The following TMEM126B variants were observed in gnomAD, a reference collection of about 807,000 sequenced individuals.
TMEM126B encodes the protein transmembrane protein 126B, also known as complex I assembly factor TMEM126B, mitochondrial.
Under a neutral mutation model 16.5 loss-of-function variants are expected in TMEM126B, and 19 were observed. The observed-to-expected ratio is 1.15, with a 90% CI of 0.80 to 1.69. The LOEUF is 1.69. Among genes scored for constraint, TMEM126B ranks in the 40% most tolerant of loss-of-function variants. The probability of loss-of-function intolerance (pLI) is 0.00; values close to 1 mark genes in which losing one functional copy is unlikely to be tolerated. For synonymous variants in TMEM126B, 104 were observed against 93.2 expected, an observed-to-expected ratio of 1.12 and a Z score of -0.67; for missense variants, 293 against 278.7, an observed-to-expected ratio of 1.05 and a Z score of -0.37.
At chr11:85,636,020 G>C in intron 4 of TMEM126B, 26 bp from the exon 5 acceptor site, 3 of 1,536,748 alleles carry the variant, frequency 2.0e-6, no homozygotes, top group Non-Finnish European at 2.6e-6. Flanking sequence ...ATCCAGGAGA[G>C]GTGATTAACT....
At chr11:85,628,810 C>A in intron 1 of TMEM126B, 122 bp downstream of exon 1, 5 of 973,380 alleles carry the variant, frequency 5.1e-6, no homozygotes, top group Non-Finnish European at 7.8e-6. Context: ...CAAGTCCATG[C>A]AAGGAGCAGT....
At chr11:85,633,005 ATG>A (rs2082331953) in intron 2 of TMEM126B, among the ~76,000 whole-genome samples, 1 of 151,456 alleles carries the variant, frequency 6.6e-6, no homozygotes, top group Admixed American at 6.6e-5. Flanking sequence ...TCCTGTGTCC[ATG>A]TGTTCTCATT....
intron 1 of TMEM126B, chr11:85,629,288 T>C (rs1565788205): frequency 1.6e-6 from 2 of 1,241,008 alleles, no homozygotes; most frequent in Non-Finnish European, 2.1e-6. Context: ...AGGTGAAAAA[T>C]TTATTATTAG....
intron 1 of TMEM126B, chr11:85,629,396 A>AAGC (rs2082204873): frequency 2.0e-6 from 1 of 500,110 alleles, no homozygotes; most frequent in Non-Finnish European, 3.4e-6. Flanking sequence ...CGTGGTGACT[A>AAGC]GTTGAGTGGC....
chr11:85,629,361 A>G, intron 1 of TMEM126B: 2 of 707,054 alleles, frequency 2.8e-6, no homozygotes, highest in South Asian at 3.0e-5. Context: ...ATAAACCTAC[A>G]TAAATGCACT....
chr11:85,636,370 AG>A lies in TMEM126B; in HGVS notation c.*142del, dbSNP rs1451824499. ...CCTGGTATATAGCAAATACTCAAAA[AG>A]TATTCAATAATTCAATCAATAAATA... On this transcript the variant is annotated 3_prime_UTR_variant, in exon 5 of 5. Coordinates refer to ENST00000358867, the MANE Select transcript of TMEM126B (RefSeq NM_018480.7). The A allele has an allele frequency of 7.8e-6, 4 of 510,508 alleles. No individual in the cohort carries two copies. In the Admixed American group the frequency reaches 1.2e-4, roughly 15 times the overall value. 31.6% of individuals were successfully genotyped at this position (510,508 alleles called of 1,614,324 possible). A position where few individuals can be genotyped will look rare whatever the true frequency, so the allele number is the denominator to read the frequency against.
At chr11:85,631,947 T>A in intron 2 of TMEM126B, 139 bp downstream of exon 2, 1 of 791,108 alleles carries the variant, frequency 1.3e-6, no homozygotes, top group Non-Finnish European at 1.8e-6. Context: ...GAAGAACACA[T>A]CTTTAAAAAA....
chr11:85,630,917 A>T (rs2082284572), intron 1 of TMEM126B, among the ~76,000 whole-genome samples: 1 of 152,210 alleles, frequency 6.6e-6, no homozygotes, highest in Non-Finnish European at 1.5e-5. Flanking sequence ...TACAAAAATT[A>T]GCCGGGTGTG....
At position 85,636,440 on chromosome 11, in the gene TMEM126B, G is replaced by T; in HGVS notation, c.*211G>T. On this transcript the variant is annotated 3_prime_UTR_variant, in exon 5 of 5. Transcript: ENST00000358867. ...TAAGATACAGGTCTTATCTCCTGATGGTGTGTCCATTTTGCCTGGTATATA... is the reference window on the plus strand; with the variant it reads ...TAAGATACAGGTCTTATCTCCTGATTGTGTGTCCATTTTGCCTGGTATATA... The T allele has an allele frequency of 3.0e-6, 1 of 330,042 alleles. No individual in the cohort carries two copies. The highest frequency in any genetic ancestry group is 8.8e-5 in the South Asian group (1 of 11,332). 20.4% of individuals were successfully genotyped at this position (330,042 alleles called of 1,614,324 possible). A position where few individuals can be genotyped will look rare whatever the true frequency, so the allele number is the denominator to read the frequency against.
intron 1 of TMEM126B, chr11:85,629,130 AG>A (rs1315470725): frequency 2.2e-6 from 2 of 927,806 alleles, no homozygotes; most frequent in Non-Finnish European, 3.0e-6. Flanking sequence ...TTAAATTGCC[AG>A]CTTTTTTGTT....
chr11:85,634,052 T>C (rs759191857), intron 2 of TMEM126B, 34 bp from the exon 3 acceptor site: 1 of 1,493,598 alleles, frequency 6.7e-7, no homozygotes, highest in Middle Eastern at 1.7e-4. Context: ...AGTTCAATGG[T>C]ATAGTGAACT....
intron 1 of TMEM126B, chr11:85,629,327 A>G (rs1255600059): frequency 5.0e-5 from 51 of 1,026,520 alleles, no homozygotes; most frequent in Non-Finnish European, 6.1e-5. Context: ...AAGCACTACA[A>G]AACCGTTAGA....
intron 2 of TMEM126B, among the ~76,000 whole-genome samples, 155 bp downstream of exon 2, chr11:85,631,963 TG>T (rs1234111192): frequency 3.9e-5 from 6 of 152,060 alleles, no homozygotes; most frequent in Non-Finnish European, 7.4e-5. Flanking sequence ...AAAAAAAGAA[TG>T]GGGGAAACAA....
intron 1 of TMEM126B, chr11:85,631,441 A>G (rs1427846324): frequency 6.9e-6 from 6 of 863,966 alleles, no homozygotes; most frequent in South Asian, 5.8e-5. Context: ...CAGAAAGCCA[A>G]TGTCTGTATT....
chr11:85,636,413 C>T lies in TMEM126B; in HGVS notation c.*184C>T, dbSNP rs2082405981. 1.8e-5 allele frequency: 7 copies of T among 387,404 alleles called. No individual in the cohort carries two copies. The highest frequency in any genetic ancestry group is 8.5e-5 in the Admixed American group (2 of 23,526). The allele number at this position is 387,404 out of a possible 1,614,324, so 24.0% of individuals were successfully genotyped here. On this transcript the variant is annotated 3_prime_UTR_variant, in exon 5 of 5. Coordinates refer to ENST00000358867, the MANE Select transcript of TMEM126B (RefSeq NM_018480.7). The stretch of plus-strand genomic sequence containing the variant: ...CAATAAATATAAGTTTCATCTTACA[C>T]GTAAGATACAGGTCTTATCTCCTGA...
At chr11:85,629,561 T>C (rs1309264270) in intron 1 of TMEM126B, among the ~76,000 whole-genome samples, 1 of 152,228 alleles carries the variant, frequency 6.6e-6, no homozygotes, top group African/African-American at 2.4e-5. Flanking sequence ...ATAGAGACTT[T>C]AGGGTGTAGA....
At chr11:85,629,876 T>A (rs79942593) in intron 1 of TMEM126B, among the ~76,000 whole-genome samples, 2 of 152,066 alleles carry the variant, frequency 1.3e-5, no homozygotes, top group Admixed American at 1.3e-4. Flanking sequence ...TACCTTTTTT[T>A]CCCCCTGCCC....
rs2082355033 is a variant in TMEM126B, at chr11:85,634,112, C to T, written c.230C>T (p.Thr77Ile). ...EMTQNIYQMA[T>I]FGTTAGFSGI... The stretch of plus-strand genomic sequence containing the variant: ...ACACAAAATATATATCAAATGGCGA[C>T]ATTTGGAACAACAGCTGGTTTCTCT... Residue 77 changes from threonine (T) to isoleucine (I), a missense_variant, in exon 3 of 5, where the codon ACA (threonine) becomes ATA (isoleucine). By Grantham distance (89) the Thr-to-Ile change is moderately conservative (BLOSUM62 -1). Transcript: ENST00000358867. 2 of 1,613,216 alleles carry T rather than the reference C, an allele frequency of 1.2e-6. No homozygotes were observed. Among genetic ancestry groups the T allele is most frequent in the East Asian group, 2.2e-5 (1 of 44,794 alleles).
chr11:85,629,593 G>A (rs2082220007), intron 1 of TMEM126B, among the ~76,000 whole-genome samples: 1 of 152,046 alleles, frequency 6.6e-6, no homozygotes, highest in Non-Finnish European at 1.5e-5. Flanking sequence ...ATTAGTAGAA[G>A]ATATTGCCTG....
Sources: gnomAD v4.1 joint callset for allele counts (sites outside exome capture counted in the v4.1 genomes callset) on GRCh38, gnomAD v4.1.1 for gene constraint, MANE v1.5 for transcripts, NCBI Gene and HGNC (gene_info 2026-07-23, HGNC 2026-07-21) for gene names.